PLEC: variants seen among roughly 807,000 people sequenced by gnomAD.
The protein encoded by PLEC is hemidesmosomal protein 1.
Under a neutral mutation model 392.8 loss-of-function variants are expected in PLEC, and 216 were observed. The observed-to-expected ratio is 0.55, with a 90% CI of 0.49 to 0.62. PLEC has a LOEUF of 0.62. Among genes scored for constraint, PLEC ranks in the 20% least tolerant of loss-of-function variants. The pLI is 0.00. For missense variants in PLEC, 6,863 were observed against 6,563.4 expected (o/e 1.05, Z -1.58); for synonymous variants, 3,621 against 2,980.6 (o/e 1.21, Z -7.00).
Position 143,922,702 on chromosome 8 carries a change from C to T in PLEC, c.7227G>A (p.Gln2409=), listed in dbSNP as rs375742154. 1 of 1,612,632 alleles carries T rather than the reference C, an allele frequency of 6.2e-7. No individual in the cohort carries two copies. The highest frequency in any genetic ancestry group is 1.3e-5 in the African/African-American group (1 of 74,936). ...AEEDAQRFRK[Q]AEEIGEKLHR... ...GCAGCTTCTCACCGATCTCCTCCGC[C>T]TGCTTCCGGAAGCGCTGGGCGTCCT... The change falls in exon 31 of 32, where the codon CAG becomes CAA. Residue 2409 remains glutamine, a synonymous_variant. Coordinates refer to ENST00000345136, the MANE Select transcript of PLEC (RefSeq NM_201384.3).
chr8:143,964,114 G>A lies in PLEC; in HGVS notation c.70+9289C>T, dbSNP rs181481589. 3.3e-5 allele frequency among the ~76,000 whole-genome samples: 5 copies of A among 152,242 alleles called. No individual in the cohort carries two copies. In the East Asian group the frequency reaches 9.6e-4, roughly 29 times the overall value. On this transcript the variant is annotated intron_variant, in intron 1 of 31. Coordinates refer to the PLEC transcript ENST00000356346. ...GCCACTGTGCCTGGCTAAGCGGATG[G>A]AATTTTAGACTTAGAGCTGATGCTA...
At chr8:143,951,868 C>G (rs929013777), upstream of PLEC, among the ~76,000 whole-genome samples, 3 of 152,076 alleles carry the variant, frequency 2.0e-5, no homozygotes, top group East Asian at 1.9e-4. Flanking sequence ...ATCATCCACC[C>G]CCCCCTCCCC....
rs1394047750 is a variant in PLEC, at chr8:143,923,056, C to T, written c.6873G>A (p.Ala2291=). 1.1e-5 allele frequency: 18 copies of T among 1,610,576 alleles called. No homozygotes were observed. The highest frequency in any genetic ancestry group is 2.7e-5 in the African/African-American group (2 of 74,906). ...CCTCCTCTGCCAGCTGCCGCAGTCG[C>T]GCAGCCTCTTGGGCCGCCACACTCA... ...ARLSVAAQEA[A]RLRQLAEEDL... The change falls in exon 31 of 32, where the codon GCG becomes GCA. Residue 2291 remains alanine (A), a synonymous_variant. Transcript: ENST00000345136.
chr8:143,950,878 C>CGGCTGTGTGGCTCGT, upstream of PLEC: 3 of 1,354,874 alleles, frequency 2.2e-6, no homozygotes, highest in Non-Finnish European at 2.9e-6. Flanking sequence ...CGCGGGCTCC[C>CGGCTGTGTGGCTCGT]GGCTGTGTGG....
chr8:143,945,186 G>T, intron 1 of PLEC: 1 of 475,598 alleles, frequency 2.1e-6, no homozygotes, highest in Non-Finnish European at 4.3e-6. Context: ...ACCGGTGGCC[G>T]GGACAGCCAC....
chr8:143,972,028 AGCACAATGCCCAGAACAGGCTGGG>A (rs1833454598), intron 1 of PLEC, among the ~76,000 whole-genome samples: 1 of 152,218 alleles, frequency 6.6e-6, no homozygotes, highest in South Asian at 2.1e-4. Flanking sequence ...GGAAAGCCTC[AGCACAATGCCCAGAACAGGCTGGG>A]GCACCCCAGG....
In PLEC at chr8:143,929,134, C is replaced by T. The variant is rs1554710220; in HGVS notation, c.3229G>A (p.Val1077Ile). 6.3e-7 allele frequency: 1 copy of T among 1,586,782 alleles called. No individual in the cohort carries two copies. Residue 1077 changes from valine to isoleucine, a missense_variant, in exon 25 of 32, where the codon GTC becomes ATC. Val to Ile is a conservative substitution (Grantham distance 29). Transcript: ENST00000345136. The part of the protein sequence containing the change: ...LELTLGKLEQ[V>I]RSLSAIYLEK... ...AGGTAGATGGCAGACAGGCTGCGGA[C>T]CTGCTCCAGCTTGCCCAGCGTCAGC...
In PLEC at chr8:143,925,109, C is replaced by T. The variant is rs782604134; in HGVS notation, c.4820G>A (p.Arg1607Gln). Reference protein sequence around the residue: ...QEEHVAVAQLREEAERRAQQQ... With the variant: ...QEEHVAVAQLQEEAERRAQQQ... ...CTGTGCCCGCCGCTCAGCCTCCTCCCGCAGCTGTGCCACAGCCACGTGTTC... is the reference window on the plus strand; with the variant it reads ...CTGTGCCCGCCGCTCAGCCTCCTCCTGCAGCTGTGCCACAGCCACGTGTTC... The change falls in exon 31 of 32, where the codon CGG becomes CAG. Residue 1607 changes from arginine (R) to glutamine (Q), a missense_variant. Arg to Gln is a conservative substitution (Grantham distance 43). Coordinates refer to ENST00000345136, the MANE Select transcript of PLEC (RefSeq NM_201384.3). 58 of 1,553,898 alleles carry T rather than the reference C, an allele frequency of 3.7e-5. No individual in the cohort carries two copies. The highest frequency in any genetic ancestry group is 4.7e-5 in the Non-Finnish European group (54 of 1,157,732).
upstream of PLEC, among the ~76,000 whole-genome samples, chr8:143,941,567 G>A (rs1424512745): frequency 6.6e-6 from 1 of 152,034 alleles, no homozygotes; most frequent in Non-Finnish European, 1.5e-5. Flanking sequence ...TCGGTCAGGG[G>A]CCTCCACCTC....
At position 143,917,445 on chromosome 8, in the gene PLEC, G is replaced by T; in HGVS notation, c.12376C>A (p.Arg4126=). The change falls in exon 32 of 32, where the codon CGG becomes AGG. Residue 4126 remains arginine, a synonymous_variant. Coordinates refer to ENST00000345136, the MANE Select transcript of PLEC (RefSeq NM_201384.3). ...GACTTGGAGGACGTCTTCCGCTCCC[G>T]CTTCTTCTCCTTCAGCGGCAAGAGA... ...LCLLPLKEKK[R]ERKTSSKSSV... 1.9e-6 allele frequency: 3 copies of T among 1,613,492 alleles called. No individual in the cohort carries two copies. Among genetic ancestry groups the T allele is most frequent in the Non-Finnish European group, 2.5e-6 (3 of 1,180,010 alleles).
chr8:143,932,965 A>G lies in PLEC; in HGVS notation c.1565T>C (p.Leu522Pro), dbSNP rs782187649. The G allele has an allele frequency of 6.8e-6, 11 of 1,612,334 alleles. No homozygotes were observed. The highest frequency in any genetic ancestry group is 1.6e-4 in the Middle Eastern group (1 of 6,068). The change falls in exon 14 of 32, where the codon CTG (leucine) becomes CCG (proline). Residue 522 changes from leucine to proline, a missense_variant. Coordinates refer to ENST00000345136, the MANE Select transcript of PLEC (RefSeq NM_201384.3). Reference sequence around the variant, plus strand: ...GGCCAGCAGGTCCTGCAGGTAGCGCAGAGTGGAGTCCTCCAGCTCGGGGCG... The same window carrying G: ...GGCCAGCAGGTCCTGCAGGTAGCGCGGAGTGGAGTCCTCCAGCTCGGGGCG... ...QRRPELEDSTLRYLQDLLAWV... is the reference protein window; with the variant it reads ...QRRPELEDSTPRYLQDLLAWV...
intron 30 of PLEC, 77 bp downstream of exon 30, chr8:143,926,707 G>C: frequency 8.2e-7 from 1 of 1,216,214 alleles, no homozygotes; most frequent in Non-Finnish European, 1.2e-6. Flanking sequence ...GCCTCAGGCA[G>C]CTCCTGTGGC....
upstream of PLEC, among the ~76,000 whole-genome samples, chr8:143,943,488 C>T (rs933315336): frequency 6.6e-6 from 1 of 152,214 alleles, no homozygotes; most frequent in Non-Finnish European, 1.5e-5. Context: ...CCTGCCACGG[C>T]GGCTGCCACA....
At position 143,924,997 on chromosome 8, in the gene PLEC, C is replaced by T. The variant is rs1300493263; in HGVS notation, c.4932G>A (p.Leu1644=). The change falls in exon 31 of 32, where the codon CTG becomes CTA. Residue 1644 remains leucine, a synonymous_variant. Coordinates refer to ENST00000345136, the MANE Select transcript of PLEC (RefSeq NM_201384.3). The part of the protein sequence containing the change: ...WQLKANEALR[L]RLQAEEVAQQ... The stretch of plus-strand genomic sequence containing the variant: ...GCGCCACCTCCTCCGCCTGCAGCCG[C>T]AGCCGTAGCGCCTCGTTGGCCTTGA... 6.3e-7 allele frequency: 1 copy of T among 1,577,226 alleles called. No homozygotes were observed. The highest frequency in any genetic ancestry group is 2.3e-5 in the East Asian group (1 of 43,632).
chr8:143,924,087 G>GCTCCAA lies in PLEC; in HGVS notation c.5841_5842insTTGGAG (p.Glu1947_Leu1948dup), dbSNP rs781862456. 1.1e-4 allele frequency: 183 copies of GCTCCAA among 1,597,860 alleles called. No individual in the cohort carries two copies. Among genetic ancestry groups the GCTCCAA allele is most frequent in the Non-Finnish European group, 1.5e-4 (177 of 1,179,174 alleles). On this transcript the variant is annotated inframe_insertion, in exon 31 of 32. Transcript: ENST00000345136. ...TCCGCGTTGCTGCGGATGCGTCCCA[G>GCTCCAA]CTCCAGCTCCAGCTCCGCCTTGCCA...
Position 143,925,899 on chromosome 8 carries a change from G to GAGAGAAGA in PLEC, c.4045-23_4045-16dup. On this transcript the variant is annotated splice_polypyrimidine_tract_variant and intron_variant, in intron 30 of 31. Transcript: ENST00000345136. ...TCAGCCAGCCTCTGTGGCCACAGCA[G>GAGAGAAGA]AGAGAAGAAGAGAAGCAGAGAGAGT... 1.3e-6 allele frequency: 2 copies of GAGAGAAGA among 1,537,266 alleles called. No individual in the cohort carries two copies. Among genetic ancestry groups the GAGAGAAGA allele is most frequent in the South Asian group, 2.4e-5 (2 of 84,568 alleles).
In PLEC at chr8:143,916,350, T is replaced by C. The variant is rs782756146; in HGVS notation, c.13471A>G (p.Thr4491Ala). The change falls in exon 32 of 32, where the codon ACC becomes GCC. Residue 4491 changes from threonine (T) to alanine (A), a missense_variant. Coordinates refer to ENST00000345136, the MANE Select transcript of PLEC (RefSeq NM_201384.3). ...GCCCGGGAGCCGGTGCGCGAGCCGG[T>C]GCGGGAGCCAGCGGTAGAGCCGGAG... The part of the protein sequence containing the change: ...SGSGSTAGSR[T>A]GSRTGSRAGS... 689 of 1,605,188 alleles carry C rather than the reference T, an allele frequency of 4.3e-4. No individual in the cohort carries two copies. The highest frequency in any genetic ancestry group is 5.8e-4 in the Non-Finnish European group (679 of 1,176,526).
rs1554679183 is a variant in PLEC, at chr8:143,919,710, T to C, written c.10111A>G (p.Ile3371Val). Residue 3371 changes from isoleucine to valine, a missense_variant, in exon 32 of 32, where the codon ATC (isoleucine) becomes GTC (valine). Physicochemically the swap from Ile to Val is conservative, Grantham distance 29 (BLOSUM62 3). Coordinates refer to ENST00000345136, the MANE Select transcript of PLEC (RefSeq NM_201384.3). ...AGGCCCCGGCGCATGGCCTCGTAGA[T>C]GGACACCTTCTCCTTGGTGTCCTCC... ...YLEDTKEKVS[I>V]YEAMRRGLLR... 1.2e-6 allele frequency: 2 copies of C among 1,605,598 alleles called. No individual in the cohort carries two copies. The highest frequency in any genetic ancestry group is 1.7e-6 in the Non-Finnish European group (2 of 1,176,186).
chr8:143,917,929 A>G lies in PLEC; in HGVS notation c.11892T>C (p.Phe3964=). 6.2e-7 allele frequency: 1 copy of G among 1,613,006 alleles called. No homozygotes were observed. The highest frequency in any genetic ancestry group is 8.5e-7 in the Non-Finnish European group (1 of 1,179,940). The part of the protein sequence containing the change: ...KKGIIRPGTA[F]ELLEAQAATG... ...TGGCCGCCTGCGCCTCCAGGAGCTC[A>G]AAGGCTGTGCCGGGGCGGATGATGC... Residue 3964 remains phenylalanine (F), a synonymous_variant, in exon 32 of 32, where the codon TTT becomes TTC. Transcript: ENST00000345136.
Sources: allele counts gnomAD v4.1 joint callset (sites outside exome capture counted in the v4.1 genomes callset), GRCh38; gene constraint gnomAD v4.1.1; transcripts MANE v1.5; gene names NCBI Gene and HGNC (gene_info 2026-07-23, HGNC 2026-07-21).